BIRC6: variants seen among roughly 807,000 people sequenced by gnomAD.
BIRC6 encodes baculoviral IAP repeat containing 6, also known as dual E2 ubiquitin-conjugating enzyme/E3 ubiquitin-protein ligase BIRC6.
Under a neutral mutation model 503.3 loss-of-function variants are expected in BIRC6, and 98 were observed. That is an observed-to-expected ratio of 0.19 (90% CI 0.17 to 0.23). The LOEUF is 0.23. BIRC6 is among the 10% of genes least tolerant of loss of function. The pLI is 1.00. For missense variants in BIRC6, 5,360 were observed against 5,806.0 expected (o/e 0.92, Z 2.50); for synonymous variants, 2,240 against 2,078.7 (o/e 1.08, Z -2.11).
chr2:32,613,570 G>C (rs1224824039), intron 73 of BIRC6, among the ~76,000 whole-genome samples: 1 of 151,744 alleles, frequency 6.6e-6, no homozygotes, highest in African/African-American at 2.4e-5. Context: ...TAGTAGAGAC[G>C]GGGTTTCACC....
rs764207563 is a variant in BIRC6 at position 32,392,182 on chromosome 2, C to T, written c.951+32C>T. The T allele has an allele frequency of 1.8e-5, 26 of 1,430,998 alleles. No individual in the cohort carries two copies. In the African/African-American group the frequency reaches 3.0e-4, roughly 17 times the overall value. 88.6% of individuals were successfully genotyped at this position (1,430,998 alleles called of 1,614,324 possible). On this transcript the variant is annotated intron_variant, in intron 5 of 73. Transcript: ENST00000421745. ...AAAGAATATAAAAAAATACTTTTCT[C>T]AGTAGGCCTTTGTAGCCCTCAGCAA... is the stretch of plus-strand genomic sequence containing the variant.
intron 66 of BIRC6, among the ~76,000 whole-genome samples, chr2:32,591,936 A>G (rs550062382): frequency 9.8e-5 from 15 of 152,298 alleles, no homozygotes; most frequent in African/African-American, 3.1e-4. Context: ...GTTATTAGCT[A>G]TTGACAAATG....
chr2:32,367,934 A>C (rs1254977320), intron 1 of BIRC6, among the ~76,000 whole-genome samples: 1 of 152,158 alleles, frequency 6.6e-6, no homozygotes, highest in African/African-American at 2.4e-5. Context: ...TGAATTTTTG[A>C]GTGGGGAAGA....
intron 10 of BIRC6, 82 bp from the exon 11 acceptor site, chr2:32,429,064 G>T: frequency 7.6e-6 from 9 of 1,182,246 alleles, no homozygotes; most frequent in Admixed American, 2.9e-5. Flanking sequence ...GTGACATTCA[G>T]TTGTTTCCTA....
At position 32,468,422 on chromosome 2, in the gene BIRC6, C is replaced by CT. The variant is rs1384450108; in HGVS notation, c.5781-8dup. On this transcript the variant is annotated splice_polypyrimidine_tract_variant and intron_variant, in intron 28 of 73. Coordinates refer to ENST00000421745, the MANE Select transcript of BIRC6 (RefSeq NM_016252.4). ...CATTACAAGAATTATTTTGTTCAATCTTTTTTTACTTTAGGTATAACTTGG... is the reference window on the plus strand; with the variant it reads ...CATTACAAGAATTATTTTGTTCAATCTTTTTTTTACTTTAGGTATAACTTGG... 3.3e-6 allele frequency: 5 copies of CT among 1,531,812 alleles called. No individual in the cohort carries two copies. Among genetic ancestry groups the CT allele is most frequent in the South Asian group, 2.5e-5 (2 of 78,830 alleles). The allele number at this position is 1,531,812 out of a possible 1,614,324, so 94.9% of individuals were successfully genotyped here.
At chr2:32,471,811 TGTA>T (rs1257277748) in intron 32 of BIRC6, among the ~76,000 whole-genome samples, 5 of 152,120 alleles carry the variant, frequency 3.3e-5, no homozygotes, top group African/African-American at 7.2e-5. Flanking sequence ...ATGGCTTACA[TGTA>T]GTATGTAAGC....
At chr2:32,450,851 G>A (rs2046632972) in intron 22 of BIRC6, among the ~76,000 whole-genome samples, 1 of 152,144 alleles carries the variant, frequency 6.6e-6, no homozygotes, top group Admixed American at 6.5e-5. Context: ...CGATGTTAAT[G>A]CTACATGAGT....
intron 24 of BIRC6, among the ~76,000 whole-genome samples, chr2:32,463,973 A>T (rs934255502): frequency 3.3e-5 from 5 of 152,118 alleles, no homozygotes; most frequent in African/African-American, 9.7e-5. Flanking sequence ...CATGTGAGGG[A>T]TCTAGGTTGC....
At chr2:32,441,269 T>A (rs2148303944) in intron 16 of BIRC6, 60 bp from the exon 17 acceptor site, 1 of 1,208,428 alleles carries the variant, frequency 8.3e-7, no homozygotes, top group East Asian at 2.6e-5. Context: ...ATAACTTCAA[T>A]GGTAAATGAT....
intron 66 of BIRC6, among the ~76,000 whole-genome samples, chr2:32,593,698 A>G (rs1248715608): frequency 6.6e-6 from 1 of 152,218 alleles, no homozygotes. Context: ...CTTTTACAGT[A>G]TGACATTTAT....
At chr2:32,452,712 C>T (rs962628754) in intron 22 of BIRC6, among the ~76,000 whole-genome samples, 5 of 152,084 alleles carry the variant, frequency 3.3e-5, no homozygotes, top group Non-Finnish European at 7.4e-5. Flanking sequence ...TGCCCCTTGA[C>T]TTACTAGTCC....
chr2:32,543,425 C>G lies in BIRC6; in HGVS notation c.12476C>G (p.Ala4159Gly). Residue 4159 changes from alanine to glycine, a missense_variant, in exon 62 of 74, where the codon GCT (alanine) becomes GGT (glycine). Coordinates refer to ENST00000421745, the MANE Select transcript of BIRC6 (RefSeq NM_016252.4). ...TCTCCCATACCTGCCCATTCTTTGG[C>G]TGCTTTTGGATTATTTCTTCGTCTT... ...TMSPIPAHSLAAFGLFLRLPG... is the reference protein window; with the variant it reads ...TMSPIPAHSLGAFGLFLRLPG... The G allele has an allele frequency of 6.2e-7, 1 of 1,613,996 alleles. No homozygotes were observed. The highest frequency in any genetic ancestry group is 8.5e-7 in the Non-Finnish European group (1 of 1,179,888).
intron 65 of BIRC6, among the ~76,000 whole-genome samples, chr2:32,569,515 T>G (rs1369655159): frequency 1.3e-5 from 2 of 152,216 alleles, no homozygotes; most frequent in East Asian, 3.9e-4. Flanking sequence ...ACTACAGGAA[T>G]GAACCACCAC....
At chr2:32,461,865 T>C (rs1284396755) in intron 23 of BIRC6, among the ~76,000 whole-genome samples, 2 of 152,108 alleles carry the variant, frequency 1.3e-5, no homozygotes, top group Non-Finnish European at 2.9e-5. Context: ...CAACAAAAAC[T>C]TTGCCTAGTT....
At chr2:32,562,599 C>G (rs1378584291) in intron 65 of BIRC6, among the ~76,000 whole-genome samples, 1 of 152,230 alleles carries the variant, frequency 6.6e-6, no homozygotes, top group African/African-American at 2.4e-5. Context: ...AATCCTGCAT[C>G]CCTTCCTAAT....
chr2:32,380,197 T>G lies in BIRC6; in HGVS notation c.552T>G (p.Ser184=). Residue 184 remains serine (S), a synonymous_variant, in exon 3 of 74, where the codon TCT becomes TCG. Coordinates refer to ENST00000421745, the MANE Select transcript of BIRC6 (RefSeq NM_016252.4). The part of the protein sequence containing the change: ...LSACLEKVDI[S]STEGYDLFIT... Reference sequence around the variant, plus strand: ...CATGTTTAGAAAAGGTAGATATTTCTAGTACAGAGGGTTATGATTTGTTCA... The same window carrying G: ...CATGTTTAGAAAAGGTAGATATTTCGAGTACAGAGGGTTATGATTTGTTCA... 1 of 1,597,276 alleles carries G rather than the reference T, an allele frequency of 6.3e-7. No homozygotes were observed. The highest frequency in any genetic ancestry group is 1.1e-5 in the South Asian group (1 of 87,854).
At chr2:32,491,324 A>G (rs1411354849) in intron 43 of BIRC6, 101 bp from the exon 44 acceptor site, 1 of 1,155,036 alleles carries the variant, frequency 8.7e-7, no homozygotes, top group African/African-American at 1.6e-5. Flanking sequence ...AATTACTAGG[A>G]ATGTATGAAT....
intron 1 of BIRC6, among the ~76,000 whole-genome samples, chr2:32,358,557 A>G (rs1048433600): frequency 2.2e-4 from 34 of 152,332 alleles, no homozygotes; most frequent in Middle Eastern, 3.4e-3. Context: ...ATAGAGATGT[A>G]ATGTATACAA....
At chr2:32,484,482 C>T (rs961754846) in intron 39 of BIRC6, among the ~76,000 whole-genome samples, 12 of 147,284 alleles carry the variant, frequency 8.1e-5, no homozygotes, top group Non-Finnish European at 1.3e-4. Context: ...AACCCTGGGG[C>T]AGAGGTTGCA....
Sources: allele counts gnomAD v4.1 joint callset (sites outside exome capture counted in the v4.1 genomes callset), GRCh38; gene constraint gnomAD v4.1.1; transcripts MANE v1.5; gene names NCBI Gene and HGNC (gene_info 2026-07-23, HGNC 2026-07-21).